FOXP1: variants seen among roughly 807,000 people sequenced by gnomAD.
FOXP1 encodes forkhead box protein P1.
In FOXP1, 15 loss-of-function variants were observed where a neutral mutation model predicts 98.2. The observed-to-expected ratio is 0.15, with a 90% CI of 0.10 to 0.24. The LOEUF (loss-of-function observed/expected upper bound fraction) is 0.24, where lower values mean the gene tolerates loss of function less well. Ranked by LOEUF, FOXP1 falls within the 10% of genes least tolerant of loss-of-function variation. The probability of loss-of-function intolerance (pLI) is 1.00; values close to 1 mark genes in which losing one functional copy is unlikely to be tolerated. For missense variants in FOXP1, 633 were observed against 848.5 expected (o/e 0.75, Z 3.15); for synonymous variants, 371 against 314.5 (o/e 1.18, Z -1.90).
At chr3:71,208,745 CA>C (rs1167352784) in intron 5 of FOXP1, among the ~76,000 whole-genome samples, 1 of 152,132 alleles carries the variant, frequency 6.6e-6, no homozygotes, top group Admixed American at 6.5e-5. Context: ...CAACAGATTT[CA>C]TAGGTGACAG....
intron 5 of FOXP1, among the ~76,000 whole-genome samples, chr3:71,242,116 T>C (rs1241823081): frequency 6.6e-6 from 1 of 152,236 alleles, no homozygotes; most frequent in African/African-American, 2.4e-5. Flanking sequence ...AACCTGCTTC[T>C]ACTTGCAGCA....
intron 4 of FOXP1, among the ~76,000 whole-genome samples, chr3:71,318,647 G>A (rs987116002): frequency 1.2e-4 from 18 of 150,628 alleles, no homozygotes; most frequent in African/African-American, 3.6e-4. Flanking sequence ...CTATTTAGAC[G>A]TGGGCTGCTG....
intron 6 of FOXP1, among the ~76,000 whole-genome samples, chr3:71,197,255 C>A (rs1012682737): frequency 4.6e-5 from 7 of 152,038 alleles, no homozygotes; most frequent in African/African-American, 1.7e-4. Flanking sequence ...GGCGCCATAA[C>A]TATGTTTTGA....
intron 5 of FOXP1, among the ~76,000 whole-genome samples, chr3:71,259,510 T>C (rs968787039): frequency 6.6e-6 from 1 of 152,154 alleles, no homozygotes; most frequent in East Asian, 1.9e-4. Context: ...AGTACCAATG[T>C]CCCAAATGAC....
At chr3:71,346,787 C>G (rs1273029465) in intron 4 of FOXP1, among the ~76,000 whole-genome samples, 1 of 151,780 alleles carries the variant, frequency 6.6e-6, no homozygotes, top group East Asian at 1.9e-4. Context: ...CAACTAAAGC[C>G]CCATTAAAAA....
intron 5 of FOXP1, among the ~76,000 whole-genome samples, chr3:71,263,993 C>T (rs2069408882): frequency 6.6e-6 from 1 of 151,872 alleles, no homozygotes; most frequent in Non-Finnish European, 1.5e-5. Context: ...TCAAGCAATC[C>T]TTCTGCCTGG....
chr3:71,153,760 A>G (rs778039280), intron 6 of FOXP1, among the ~76,000 whole-genome samples: 32 of 152,214 alleles, frequency 2.1e-4, no homozygotes, highest in Non-Finnish European at 4.0e-4. Flanking sequence ...ATTCTAAGAG[A>G]CAATCATACC....
At chr3:71,129,118 A>G (rs1007445092) in intron 6 of FOXP1, among the ~76,000 whole-genome samples, 6 of 152,198 alleles carry the variant, frequency 3.9e-5, no homozygotes, top group Admixed American at 6.5e-5. Flanking sequence ...GTCATCAAAT[A>G]GACTAAGATA....
chr3:71,358,162 T>G (rs139804138), intron 4 of FOXP1, among the ~76,000 whole-genome samples: 171 of 152,334 alleles, frequency 1.1e-3, no homozygotes, highest in African/African-American at 4.0e-3. Flanking sequence ...TATTAAGGCC[T>G]ATATTAAAGG....
intron 2 of FOXP1, among the ~76,000 whole-genome samples, chr3:71,535,281 G>C (rs2044196848): frequency 6.6e-6 from 1 of 152,124 alleles, no homozygotes; most frequent in South Asian, 2.1e-4. Context: ...CTGACCTTCA[G>C]GTAAGATGTT....
At chr3:71,336,166 C>T (rs924019329) in intron 4 of FOXP1, among the ~76,000 whole-genome samples, 7 of 151,570 alleles carry the variant, frequency 4.6e-5, no homozygotes, top group Admixed American at 2.6e-4. Context: ...GAAAGACAGA[C>T]AATTTGATCT....
At chr3:71,006,459 C>T (rs1436935813) in intron 12 of FOXP1, among the ~76,000 whole-genome samples, 2 of 152,126 alleles carry the variant, frequency 1.3e-5, no homozygotes, top group Non-Finnish European at 2.9e-5. Flanking sequence ...ACCAGTTATA[C>T]GTTTATGAAG....
chr3:71,166,286 G>A (rs1233440778), intron 6 of FOXP1, among the ~76,000 whole-genome samples: 1 of 152,106 alleles, frequency 6.6e-6, no homozygotes, highest in African/African-American at 2.4e-5. Flanking sequence ...CAAGCAAGTG[G>A]GGGGTGACAA....
chr3:71,163,810 T>C (rs529182315), intron 6 of FOXP1, among the ~76,000 whole-genome samples: 1 of 152,196 alleles, frequency 6.6e-6, no homozygotes, highest in East Asian at 1.9e-4. Flanking sequence ...TTTCAAGCAG[T>C]CCCACAGTTT....
At chr3:71,330,288 T>C (rs1018317288) in intron 4 of FOXP1, among the ~76,000 whole-genome samples, 5 of 152,246 alleles carry the variant, frequency 3.3e-5, no homozygotes, top group Admixed American at 2.6e-4. Flanking sequence ...TTTAAGAGCA[T>C]TTCTACTTTC....
chr3:71,393,438 A>G (rs1233732862), intron 3 of FOXP1, among the ~76,000 whole-genome samples: 1 of 152,198 alleles, frequency 6.6e-6, no homozygotes, highest in Non-Finnish European at 1.5e-5. Context: ...GTCACAATTT[A>G]TAATTTTATG....
chr3:71,190,480 A>T (rs991357458), intron 6 of FOXP1, among the ~76,000 whole-genome samples: 19 of 151,414 alleles, frequency 1.3e-4, no homozygotes, highest in Non-Finnish European at 2.4e-4. Context: ...ACAACAAAAA[A>T]AAAACAGCTG....
chr3:71,207,068 C>T (rs185511061), intron 5 of FOXP1, among the ~76,000 whole-genome samples: 92 of 152,268 alleles, frequency 6.0e-4, no homozygotes, highest in African/African-American at 1.7e-3. Context: ...GAAGGTCAGG[C>T]ATGATGGGGC....
At chr3:71,318,238 A>C (rs1415490699) in intron 4 of FOXP1, among the ~76,000 whole-genome samples, 2 of 151,740 alleles carry the variant, frequency 1.3e-5, no homozygotes, top group East Asian at 3.9e-4. Context: ...AGAAGGAACA[A>C]GTCCCCTCTT....
Sources: gnomAD v4.1 joint callset for allele counts (sites outside exome capture counted in the v4.1 genomes callset) on GRCh38, gnomAD v4.1.1 for gene constraint, MANE v1.5 for transcripts, NCBI Gene and HGNC (gene_info 2026-07-23, HGNC 2026-07-21) for gene names.